NARS2: variants seen among roughly 807,000 people sequenced by gnomAD.
The protein encoded by NARS2 is asparaginyl-tRNA synthetase.
In NARS2, 60 loss-of-function variants were observed where a neutral mutation model predicts 62.9. The ratio of observed to expected loss-of-function variants is 0.95; its 90% CI spans 0.77 to 1.18. The LOEUF is 1.18. NARS2 is among the 50% of genes most tolerant of loss of function. The pLI is 0.00. For missense variants in NARS2, 619 were observed against 576.4 expected (o/e 1.07, Z -0.76); for synonymous variants, 196 against 200.0 (o/e 0.98, Z 0.17).
intron 7 of NARS2, among the ~76,000 whole-genome samples, chr11:78,484,581 A>T (rs1443097032): frequency 6.6e-6 from 1 of 152,242 alleles, no homozygotes; most frequent in East Asian, 1.9e-4. Flanking sequence ...TGGGTGAAGG[A>T]TATGAACAGA....
chr11:78,563,579 T>C (rs992086197), intron 4 of NARS2, among the ~76,000 whole-genome samples: 4 of 150,230 alleles, frequency 2.7e-5, no homozygotes, highest in African/African-American at 9.8e-5. Context: ...ACGCCCGCAA[T>C]CCCAGCACTT....
chr11:78,449,349 G>T (rs1857881920), intron 11 of NARS2, among the ~76,000 whole-genome samples: 1 of 151,846 alleles, frequency 6.6e-6, no homozygotes, highest in African/African-American at 2.4e-5. Context: ...CGTTAGCCAG[G>T]ATGGTCTCGG....
intron 5 of NARS2, among the ~76,000 whole-genome samples, chr11:78,543,168 A>G (rs1855697677): frequency 6.6e-6 from 1 of 152,140 alleles, no homozygotes; most frequent in African/African-American, 2.4e-5. Flanking sequence ...ACAGAGCAAA[A>G]CTACGTGTCA....
chr11:78,502,029 A>G (rs953196245), intron 6 of NARS2, among the ~76,000 whole-genome samples: 5 of 152,256 alleles, frequency 3.3e-5, no homozygotes, highest in African/African-American at 7.2e-5. Flanking sequence ...ATGCTATAAC[A>G]TGGATGGAAA....
intron 4 of NARS2, among the ~76,000 whole-genome samples, chr11:78,562,818 A>G (rs59855650): frequency 1.7e-4 from 26 of 152,334 alleles, no homozygotes; most frequent in African/African-American, 6.3e-4. Flanking sequence ...TTAGATCCTT[A>G]AAGTGTCTTA....
At chr11:78,438,046 G>C (rs1025849448) in intron 13 of NARS2, among the ~76,000 whole-genome samples, 1 of 149,326 alleles carries the variant, frequency 6.7e-6, no homozygotes, top group Non-Finnish European at 1.5e-5. Flanking sequence ...TGAATGATTT[G>C]TAAAATCAGT....
intron 5 of NARS2, among the ~76,000 whole-genome samples, chr11:78,553,392 G>T (rs1354081531): frequency 6.6e-6 from 1 of 152,024 alleles, no homozygotes; most frequent in Non-Finnish European, 1.5e-5. Context: ...GGGTTCAAGC[G>T]ATTCTTCTGC....
intron 5 of NARS2, among the ~76,000 whole-genome samples, chr11:78,555,955 A>T (rs1348412569): frequency 6.6e-6 from 1 of 152,066 alleles, no homozygotes; most frequent in African/African-American, 2.4e-5. Flanking sequence ...GTTATTCAGG[A>T]GCATGTTGTT....
chr11:78,521,899 A>G (rs1178513859), intron 6 of NARS2, among the ~76,000 whole-genome samples: 1 of 152,122 alleles, frequency 6.6e-6, no homozygotes, highest in Admixed American at 6.5e-5. Context: ...TCACACTAAC[A>G]AAGAGAATTA....
intron 6 of NARS2, among the ~76,000 whole-genome samples, chr11:78,509,566 G>A (rs779445979): frequency 3.9e-5 from 6 of 151,964 alleles, no homozygotes; most frequent in Non-Finnish European, 7.4e-5. Flanking sequence ...TAGTATTATT[G>A]CAAATTTTGG....
chr11:78,473,943 C>G (rs80158322), intron 9 of NARS2, among the ~76,000 whole-genome samples: 2,417 of 152,218 alleles, frequency 0.016, 62 homozygotes, highest in African/African-American at 0.055. Flanking sequence ...TCTCTGGTTT[C>G]AAAAACTGGA....
chr11:78,552,494 C>G (rs1475971120), intron 5 of NARS2, among the ~76,000 whole-genome samples: 1 of 152,158 alleles, frequency 6.6e-6, no homozygotes, highest in Non-Finnish European at 1.5e-5. Context: ...GAAAATGCAT[C>G]TTGGGCCCCA....
rs10533814 is a variant in NARS2, at chr11:78,505,269, TACACACACACACACACACACACACACAC to T, written c.690-12102_690-12075del. 9.3e-3 allele frequency among the ~76,000 whole-genome samples: 1,246 copies of T among 133,424 alleles called. 18 individuals are homozygous for T. The highest frequency in any genetic ancestry group is 0.033 in the African/African-American group (1,149 of 34,424). The allele number at this position is 133,424 out of a possible 152,430, so 87.5% of individuals were successfully genotyped here. A position where few individuals can be genotyped will look rare whatever the true frequency, so the allele number is the denominator to read the frequency against. On this transcript the variant is annotated intron_variant, in intron 6 of 13. Coordinates refer to ENST00000281038, the MANE Select transcript of NARS2 (RefSeq NM_024678.6). Reference sequence around the variant, plus strand: ...ACCTTGTCTCTTAAAGAAAACAAAATACACACACACACACACACACACACACACACACACACACACACACACACACACA... The same window carrying T: ...ACCTTGTCTCTTAAAGAAAACAAAATACACACACACACACACACACACACA...
chr11:78,513,346 C>G (rs957796864), intron 6 of NARS2, among the ~76,000 whole-genome samples: 1 of 142,038 alleles, frequency 7.0e-6, no homozygotes, highest in East Asian at 2.0e-4. Context: ...TTCACTCTTT[C>G]TTTTTTTTTT....
rs551703430 is a variant in NARS2, at chr11:78,459,274, G to GT, written c.1164+6601dup. Among the ~76,000 whole-genome samples, 683 of 147,638 alleles carry GT rather than the reference G, an allele frequency of 4.6e-3. 27 individuals carry two copies. Among genetic ancestry groups the GT allele is most frequent in the African/African-American group, 0.016 (646 of 39,378 alleles). On this transcript the variant is annotated intron_variant, in intron 11 of 13. Transcript: ENST00000281038. The stretch of plus-strand genomic sequence containing the variant: ...GTTTTTTTTTTGTTTTGTTTTGTTT[G>GT]TTTTTTTTAAATTGAGACAGAGTTT...
chr11:78,483,201 G>A (rs921462362), intron 7 of NARS2, among the ~76,000 whole-genome samples: 6 of 152,022 alleles, frequency 3.9e-5, no homozygotes, highest in African/African-American at 1.4e-4. Flanking sequence ...CCTTCATGCT[G>A]AAAACTCTCA....
At chr11:78,557,111 G>A (rs907232881) in intron 5 of NARS2, among the ~76,000 whole-genome samples, 1 of 152,178 alleles carries the variant, frequency 6.6e-6, no homozygotes, top group South Asian at 2.1e-4. Context: ...GGAGATGAGG[G>A]AAAGGAAGAG....
intron 6 of NARS2, among the ~76,000 whole-genome samples, chr11:78,496,873 G>C (rs1445052300): frequency 6.6e-6 from 1 of 152,112 alleles, no homozygotes; most frequent in Non-Finnish European, 1.5e-5. Flanking sequence ...GTCTCTAGCT[G>C]CATGTGGAAT....
intron 12 of NARS2, among the ~76,000 whole-genome samples, chr11:78,442,969 G>C (rs1269304711): frequency 1.3e-5 from 2 of 152,090 alleles, no homozygotes; most frequent in Admixed American, 1.3e-4. Flanking sequence ...TTGTCTTTAT[G>C]TCCTTATAGA....
Sources: allele counts gnomAD v4.1 joint callset (sites outside exome capture counted in the v4.1 genomes callset), GRCh38; gene constraint gnomAD v4.1.1; transcripts MANE v1.5; gene names NCBI Gene and HGNC (gene_info 2026-07-23, HGNC 2026-07-21).